Variants in ASB3 observed in about 807,000 individuals in gnomAD.
The protein encoded by ASB3 is ankyrin repeat and SOCS box protein 3.
A neutral mutation model predicts 54.5 loss-of-function variants in ASB3; 41 were observed. The observed-to-expected ratio is 0.75, with a 90% CI of 0.59 to 0.98. The LOEUF (loss-of-function observed/expected upper bound fraction) is 0.98. Among genes scored for constraint, ASB3 ranks in the 50% least tolerant of loss-of-function variants. ASB3 has a pLI of 0.00. For missense variants in ASB3, 733 were observed against 620.0 expected, an observed-to-expected ratio of 1.18 and a Z score of -1.94; for synonymous variants, 266 against 221.2, an observed-to-expected ratio of 1.20 and a Z score of -1.80.
At chr2:53,770,485 G>T (rs1160280447) in intron 1 of ASB3, among the ~76,000 whole-genome samples, 1 of 138,692 alleles carries the variant, frequency 7.2e-6, no homozygotes, top group Non-Finnish European at 1.5e-5. Flanking sequence ...GTACTCCGTG[G>T]ACGAAGTTTA....
chr2:53,732,514 G>A (rs530109073), intron 3 of ASB3, among the ~76,000 whole-genome samples: 24 of 152,060 alleles, frequency 1.6e-4, no homozygotes, highest in Non-Finnish European at 2.1e-4. Context: ...GGAGAGTGAA[G>A]GTAAGTTTGT....
At chr2:53,784,363 A>T (rs780391848) in intron 1 of ASB3, among the ~76,000 whole-genome samples, 7 of 152,146 alleles carry the variant, frequency 4.6e-5, no homozygotes, top group Non-Finnish European at 7.4e-5. Flanking sequence ...TTGGCAAAAT[A>T]AACTTCTAAA....
chr2:53,702,904 C>T (rs1326971779), intron 7 of ASB3, among the ~76,000 whole-genome samples: 1 of 152,098 alleles, frequency 6.6e-6, no homozygotes. Context: ...TTATAACAGG[C>T]CAAATAGTGA....
chr2:53,741,765 T>A (rs1180494419), intron 3 of ASB3, among the ~76,000 whole-genome samples: 2 of 152,192 alleles, frequency 1.3e-5, no homozygotes, highest in Non-Finnish European at 2.9e-5. Flanking sequence ...TCCCTTTACT[T>A]TTCTTAGAAA....
At chr2:53,709,465 T>C (rs888196273) in intron 7 of ASB3, among the ~76,000 whole-genome samples, 6 of 152,090 alleles carry the variant, frequency 3.9e-5, no homozygotes, top group Non-Finnish European at 8.8e-5. Context: ...CCCATAAACA[T>C]ACCAGAAAGA....
intron 5 of ASB3, among the ~76,000 whole-genome samples, chr2:53,717,767 G>A (rs998143326): frequency 6.6e-6 from 1 of 151,960 alleles, no homozygotes; most frequent in Admixed American, 6.6e-5. Flanking sequence ...ATCCAGACAA[G>A]GTTGAAAATA....
intron 2 of ASB3, among the ~76,000 whole-genome samples, chr2:53,752,869 C>T (rs1424915152): frequency 6.6e-6 from 1 of 152,052 alleles, no homozygotes; most frequent in Non-Finnish European, 1.5e-5. Context: ...AAGATGGTCA[C>T]TAAAAGGTCA....
At chr2:53,774,478 T>A (rs769456826) in intron 1 of ASB3, 2 of 1,585,990 alleles carry the variant, frequency 1.3e-6, no homozygotes, top group Non-Finnish European at 1.7e-6. Context: ...TTTGGAAAAA[T>A]TAGTAAAGGA....
chr2:53,739,843 T>C (rs2103959129), intron 3 of ASB3, among the ~76,000 whole-genome samples: 1 of 152,188 alleles, frequency 6.6e-6, no homozygotes, highest in African/African-American at 2.4e-5. Context: ...CACAGCTCAT[T>C]TTCCATTTTT....
Position 53,693,951 on chromosome 2 carries a change from A to C in ASB3, c.1302T>G (p.Leu434=), listed in dbSNP as rs762006725. The C allele has an allele frequency of 6.2e-7, 1 of 1,613,670 alleles. No individual in the cohort carries two copies. Among genetic ancestry groups the C allele is most frequent in the Non-Finnish European group, 8.5e-7 (1 of 1,179,644 alleles). ...AGAGCATCCTTTCAACAGCTGGTGC[A>C]AGTGTCTTCCAATTAGTAAACTCCA... ...FTLEFTNWKT[L]APAVERMLSA... Residue 434 remains leucine (L), a synonymous_variant, in exon 9 of 10, where the codon CTT becomes CTG. Transcript: ENST00000263634.
intron 3 of ASB3, among the ~76,000 whole-genome samples, chr2:53,737,881 G>A (rs1441640318): frequency 6.6e-6 from 1 of 151,956 alleles, no homozygotes; most frequent in Non-Finnish European, 1.5e-5. Flanking sequence ...ACTGAACACT[G>A]TCCTATTTAC....
intron 5 of ASB3, among the ~76,000 whole-genome samples, chr2:53,717,181 A>G (rs1227370154): frequency 2.0e-5 from 3 of 152,224 alleles, no homozygotes; most frequent in Non-Finnish European, 4.4e-5. Context: ...CCCTCCTCCA[A>G]CAAGCATTCT....
chr2:53,695,268 C>T (rs1206934591), intron 8 of ASB3, among the ~76,000 whole-genome samples: 1 of 151,998 alleles, frequency 6.6e-6, no homozygotes, highest in African/African-American at 2.4e-5. Flanking sequence ...AAATTATTTC[C>T]CAAATTCTTA....
chr2:53,755,187 T>G (rs1017372901), intron 2 of ASB3, among the ~76,000 whole-genome samples: 1 of 152,248 alleles, frequency 6.6e-6, no homozygotes, highest in Admixed American at 6.5e-5. Context: ...TGTGAGTTAT[T>G]TCCTGGGAAT....
chr2:53,730,392 T>C (rs542930477), intron 3 of ASB3, among the ~76,000 whole-genome samples: 2 of 152,154 alleles, frequency 1.3e-5, no homozygotes, highest in South Asian at 2.1e-4. Context: ...GTAGTATTTA[T>C]AAGAAAGGAA....
In ASB3 at chr2:53,716,551, G is replaced by GT; in HGVS notation, c.782+14dup. The GT allele has an allele frequency of 6.2e-7, 1 of 1,606,184 alleles. No individual in the cohort carries two copies. The highest frequency in any genetic ancestry group is 8.5e-7 in the Non-Finnish European group (1 of 1,174,764). On this transcript the variant is annotated intron_variant, in intron 6 of 9. Coordinates refer to ENST00000263634, the MANE Select transcript of ASB3 (RefSeq NM_016115.5). ...GATTAAGAGACCATGTTTATTTTCT[G>GT]TTTTTAACACTTACTTTGTATGGCC...
intron 2 of ASB3, among the ~76,000 whole-genome samples, chr2:53,759,231 C>T (rs1245113100): frequency 1.3e-5 from 2 of 152,130 alleles, no homozygotes; most frequent in Non-Finnish European, 2.9e-5. Context: ...AGATTGGTGC[C>T]GCAGACATTT....
intron 9 of ASB3, among the ~76,000 whole-genome samples, chr2:53,690,988 A>G (rs1668881697): frequency 6.6e-6 from 1 of 152,176 alleles, no homozygotes; most frequent in Non-Finnish European, 1.5e-5. Context: ...CTTAGACCTG[A>G]CCAGGAGTTG....
chr2:53,709,043 G>C (rs190925257), intron 7 of ASB3, among the ~76,000 whole-genome samples: 3 of 152,228 alleles, frequency 2.0e-5, no homozygotes, highest in Non-Finnish European at 4.4e-5. Flanking sequence ...TAAGTAAAAA[G>C]GAGGCAAGTG....
Sources: gnomAD v4.1 joint callset for allele counts (sites outside exome capture counted in the v4.1 genomes callset) on GRCh38, gnomAD v4.1.1 for gene constraint, MANE v1.5 for transcripts, NCBI Gene and HGNC (gene_info 2026-07-23, HGNC 2026-07-21) for gene names.